DLG2: variants seen among roughly 807,000 people sequenced by gnomAD.
DLG2 encodes the protein discs large MAGUK scaffold protein 2, also known as disks large homolog 2.
A neutral mutation model predicts 132.5 loss-of-function variants in DLG2; 45 were observed. The ratio of observed to expected loss-of-function variants is 0.34; its 90% confidence interval spans 0.27 to 0.44. DLG2 has a LOEUF of 0.44. Among genes scored for constraint, DLG2 ranks in the 20% least tolerant of loss-of-function variants. The pLI, the probability that DLG2 is intolerant of heterozygous loss-of-function variation, is 1.00. For synonymous variants in DLG2, 424 were observed against 419.6 expected, an observed-to-expected ratio of 1.01 and a Z score of -0.13; for missense variants, 1,045 against 1,196.9, an observed-to-expected ratio of 0.87 and a Z score of 1.87.
At chr11:85,438,453 T>C (rs2091605832) in intron 3 of DLG2, among the ~76,000 whole-genome samples, 1 of 152,202 alleles carries the variant, frequency 6.6e-6, no homozygotes, top group Middle Eastern at 3.2e-3. Flanking sequence ...AATTATAGAC[T>C]TACTTGCAAT....
intron 15 of DLG2, among the ~76,000 whole-genome samples, chr11:83,907,914 C>T (rs920354482): frequency 6.6e-6 from 1 of 152,122 alleles, no homozygotes; most frequent in African/African-American, 2.4e-5. Context: ...CTCTCCGTTC[C>T]CAAGGCACCC....
chr11:83,532,430 T>C (rs922941347), intron 21 of DLG2, among the ~76,000 whole-genome samples: 2 of 152,086 alleles, frequency 1.3e-5, no homozygotes, highest in African/African-American at 4.8e-5. Context: ...AAAAACCACC[T>C]AAACTATCTT....
intron 6 of DLG2, among the ~76,000 whole-genome samples, chr11:84,638,711 G>A (rs2099644961): frequency 6.6e-6 from 1 of 152,088 alleles, no homozygotes; most frequent in South Asian, 2.1e-4. Flanking sequence ...ATATTCCAGA[G>A]ACTCCATAAC....
chr11:84,194,958 C>G (rs763856707), intron 8 of DLG2, among the ~76,000 whole-genome samples: 1 of 152,298 alleles, frequency 6.6e-6, no homozygotes, highest in East Asian at 1.9e-4. Context: ...GGTTCTCACT[C>G]GCACCTCTCC....
At chr11:84,823,747 T>C (rs1033053516) in intron 6 of DLG2, among the ~76,000 whole-genome samples, 3 of 151,852 alleles carry the variant, frequency 2.0e-5, no homozygotes, top group Admixed American at 1.3e-4. Flanking sequence ...TCTGGGATTT[T>C]TGTTTGTTTC....
At chr11:84,896,916 G>A (rs4491252) in intron 6 of DLG2, among the ~76,000 whole-genome samples, 16,280 of 151,070 alleles carry the variant, frequency 0.11, 1,262 homozygotes, top group African/African-American at 0.22. Flanking sequence ...CTACAGTTTT[G>A]GGCATCCATT....
At chr11:85,415,867 T>C (rs1237529275) in intron 3 of DLG2, among the ~76,000 whole-genome samples, 1 of 152,182 alleles carries the variant, frequency 6.6e-6, no homozygotes, top group Non-Finnish European at 1.5e-5. Flanking sequence ...GGAAGCTCTT[T>C]AGTTTAATTA....
intron 6 of DLG2, among the ~76,000 whole-genome samples, chr11:84,835,673 A>T (rs1244020230): frequency 6.6e-6 from 1 of 151,754 alleles, no homozygotes; most frequent in African/African-American, 2.4e-5. Context: ...CTGGCTATAT[A>T]CATTTTGATT....
chr11:84,305,819 T>C lies in DLG2; in HGVS notation c.520-54528A>G, dbSNP rs74918915. 5.0e-4 allele frequency among the ~76,000 whole-genome samples: 76 copies of C among 152,216 alleles called. 1 individual carries two copies. In the East Asian group the frequency reaches 0.014, roughly 28 times the overall value. The stretch of plus-strand genomic sequence containing the variant: ...GATTTGACACAATATCAGAATAATA[T>C]TGAAAAAACAGAAAACTCTAAAACA... On this transcript the variant is annotated intron_variant, in intron 7 of 27. Transcript: ENST00000376104.
intron 6 of DLG2, among the ~76,000 whole-genome samples, chr11:84,895,292 G>A (rs1271942166): frequency 6.6e-6 from 1 of 152,040 alleles, no homozygotes; most frequent in African/African-American, 2.4e-5. Context: ...TTAAAACAAA[G>A]CAATGGTTAG....
chr11:84,952,093 T>C (rs1428227632), intron 6 of DLG2, among the ~76,000 whole-genome samples: 1 of 152,238 alleles, frequency 6.6e-6, no homozygotes, highest in Non-Finnish European at 1.5e-5. Context: ...TAAATGCTTT[T>C]TCTTATCTCT....
rs779039240 is a variant in DLG2 at position 84,506,079 on chromosome 11, C to CT, written c.519+28490dup. On this transcript the variant is annotated intron_variant, in intron 7 of 27. Transcript: ENST00000376104. Reference sequence around the variant, plus strand: ...CTAATGTTATGACAGAGGCTCAGTTCTTTTTTTTTTTTTTGAGACGGAGTC... The same window carrying CT: ...CTAATGTTATGACAGAGGCTCAGTTCTTTTTTTTTTTTTTTGAGACGGAGTC... Among the ~76,000 whole-genome samples the CT allele has an allele frequency of 5.8e-3, 621 of 107,004 alleles. 42 individuals carry two copies. Among genetic ancestry groups the CT allele is most frequent in the East Asian group, 0.026 (114 of 4,432 alleles). 70.2% of individuals were successfully genotyped at this position (107,004 alleles called of 152,430 possible). A position where few individuals can be genotyped will look rare whatever the true frequency, so the allele number is the denominator to read the frequency against.
In DLG2 at chr11:84,040,604, T is replaced by A. The variant is rs1195346477; in HGVS notation, c.919+18711A>T. ...TATCTCTGTTTTGGTACCAGTACCA[T>A]GCTGTTTTGGTTACTGTAGCCTTGT... On this transcript the variant is annotated intron_variant, in intron 11 of 27. Coordinates refer to ENST00000376104, the MANE Select transcript of DLG2 (RefSeq NM_001142699.3). 6.1e-4 allele frequency among the ~76,000 whole-genome samples: 93 copies of A among 152,230 alleles called. 2 individuals carry two copies. Among genetic ancestry groups the A allele is most frequent in the Middle Eastern group, 3.4e-3 (1 of 294 alleles).
intron 2 of DLG2, among the ~76,000 whole-genome samples, chr11:85,622,271 TATACC>T (rs1409015518): frequency 1.3e-5 from 2 of 152,154 alleles, no homozygotes; most frequent in Non-Finnish European, 2.9e-5. Flanking sequence ...CCAGTGCATA[TATACC>T]GTAGTATACA....
At position 85,539,772 on chromosome 11, in the gene DLG2, G is replaced by A. The variant is rs55923329; in HGVS notation, c.40+58885C>T. Among the ~76,000 whole-genome samples the A allele has an allele frequency of 5.5e-3, 845 of 152,272 alleles. 10 individuals carry two copies. The highest frequency in any genetic ancestry group is 0.018 in the African/African-American group (746 of 41,540). ...AAAAAAAGTTTTTAAAGAGTTTGAC[G>A]TGTCTGTAGTACAGGGGTTACAAGA... On this transcript the variant is annotated intron_variant, in intron 3 of 27. Transcript: ENST00000376104.
intron 6 of DLG2, among the ~76,000 whole-genome samples, chr11:84,865,698 C>T (rs900227376): frequency 3.9e-5 from 6 of 152,176 alleles, no homozygotes; most frequent in Non-Finnish European, 8.8e-5. Context: ...AGACAGGCTG[C>T]ATAGAACAAA....
intron 3 of DLG2, among the ~76,000 whole-genome samples, chr11:85,391,102 G>C (rs926324967): frequency 6.6e-6 from 1 of 152,010 alleles, no homozygotes; most frequent in Non-Finnish European, 1.5e-5. Flanking sequence ...AAAAACAGGA[G>C]ATATTGCAAC....
chr11:84,726,155 G>A (rs1381533774), intron 6 of DLG2, among the ~76,000 whole-genome samples: 1 of 152,080 alleles, frequency 6.6e-6, no homozygotes, highest in Admixed American at 6.6e-5. Flanking sequence ...TGAGGTACAT[G>A]TGCAGAATGT....
At chr11:84,131,932 C>CT (rs1333798503) in intron 9 of DLG2, among the ~76,000 whole-genome samples, 1 of 151,454 alleles carries the variant, frequency 6.6e-6, no homozygotes, top group African/African-American at 2.4e-5. Flanking sequence ...GAATATGACC[C>CT]TTCTTCTACT....
Sources: allele counts gnomAD v4.1 joint callset (sites outside exome capture counted in the v4.1 genomes callset), GRCh38; gene constraint gnomAD v4.1.1; transcripts MANE v1.5; gene names NCBI Gene and HGNC (gene_info 2026-07-23, HGNC 2026-07-21).